TJP1: variants seen among roughly 807,000 people sequenced by gnomAD.
The protein encoded by TJP1 is tight junction protein ZO-1.
In TJP1, 43 loss-of-function variants were observed where a neutral mutation model predicts 194.2. That is an observed-to-expected ratio of 0.22 (90% CI 0.17 to 0.29). The LOEUF (loss-of-function observed/expected upper bound fraction) is 0.29, where lower values mean the gene tolerates loss of function less well. TJP1 is among the 10% of genes least tolerant of loss of function. The pLI is 1.00. For synonymous variants in TJP1, 801 were observed against 779.0 expected (o/e 1.03, Z -0.47); for missense variants, 1,971 against 2,185.7 (o/e 0.90, Z 1.96).
At chr15:29,762,173 C>T (rs2046047826) in intron 6 of TJP1, among the ~76,000 whole-genome samples, 162 bp downstream of exon 6, 1 of 152,144 alleles carries the variant, frequency 6.6e-6, no homozygotes, top group Non-Finnish European at 1.5e-5. Flanking sequence ...GCATTGGTGT[C>T]GACATGTAAT....
intron 1 of TJP1, among the ~76,000 whole-genome samples, chr15:29,810,717 C>A (rs1036091762): frequency 2.0e-5 from 3 of 152,092 alleles, no homozygotes; most frequent in Admixed American, 6.6e-5. Flanking sequence ...GAGTTTTGAC[C>A]TAGTTTCTGG....
intron 2 of TJP1, among the ~76,000 whole-genome samples, chr15:29,879,793 C>A (rs1467363496): frequency 1.3e-5 from 2 of 152,108 alleles, no homozygotes; most frequent in Non-Finnish European, 2.9e-5. Flanking sequence ...CTCACTGTAA[C>A]CTCCACCTCC....
chr15:29,969,044 G>C (rs1041568708), upstream of TJP1, among the ~76,000 whole-genome samples: 46 of 147,250 alleles, frequency 3.1e-4, no homozygotes, highest in African/African-American at 1.1e-3. Flanking sequence ...GCCGTGGCCC[G>C]GCGGCGCGCT....
Position 29,719,782 on chromosome 15 carries a change from T to C in TJP1, c.2998A>G (p.Thr1000Ala), listed in dbSNP as rs2042814935. ...EPSLSSHVDP[T>A]KVYRKDPYPE... is the part of the protein sequence containing the mutation. ...CAACACCGCAGCACAGGTACCTTTG[T>C]TGGATCTACATGCGACGACAATGAT... Residue 1000 changes from threonine to alanine, a missense_variant, in exon 20 of 28, where the codon ACA becomes GCA. Physicochemically the swap from Thr to Ala is moderately conservative, Grantham distance 58. Transcript: ENST00000614355. 3.1e-6 allele frequency: 5 copies of C among 1,612,356 alleles called. No individual in the cohort carries two copies. Among genetic ancestry groups the C allele is most frequent in the East Asian group, 2.2e-5 (1 of 44,876 alleles).
intron 2 of TJP1, among the ~76,000 whole-genome samples, chr15:29,900,014 T>C (rs1317933618): frequency 1.3e-5 from 2 of 152,044 alleles, no homozygotes; most frequent in South Asian, 2.1e-4. Flanking sequence ...ATGTATAGTA[T>C]ATTAAACGGT....
intron 2 of TJP1, among the ~76,000 whole-genome samples, chr15:29,951,511 G>T (rs1233671223): frequency 6.6e-6 from 1 of 150,712 alleles, no homozygotes; most frequent in Non-Finnish European, 1.5e-5. Flanking sequence ...TTTTCAAATC[G>T]AAAAAAAATC....
chr15:29,897,380 T>C (rs766642898), intron 2 of TJP1, among the ~76,000 whole-genome samples: 4 of 152,122 alleles, frequency 2.6e-5, no homozygotes, highest in East Asian at 1.9e-4. Flanking sequence ...AGAGGATATA[T>C]GGAAATGCCT....
intron 23 of TJP1, among the ~76,000 whole-genome samples, chr15:29,711,608 C>T (rs1456057712): frequency 1.3e-4 from 20 of 152,130 alleles, no homozygotes; most frequent in African/African-American, 4.3e-4. Context: ...TCAAGTGAGC[C>T]GCCTGCCTCT....
chr15:29,721,997 T>C (rs1185733814), intron 18 of TJP1, among the ~76,000 whole-genome samples: 1 of 152,246 alleles, frequency 6.6e-6, no homozygotes, highest in Non-Finnish European at 1.5e-5. Context: ...TCTAACAGCA[T>C]GTGTTCATAT....
intron 1 of TJP1, among the ~76,000 whole-genome samples, chr15:29,806,853 G>A (rs1421011289): frequency 3.9e-5 from 6 of 152,194 alleles, no homozygotes; most frequent in South Asian, 2.1e-4. Flanking sequence ...CTGATGGGCC[G>A]TCATTTAAAT....
intron 2 of TJP1, among the ~76,000 whole-genome samples, chr15:29,948,290 A>G (rs2055354657): frequency 6.6e-6 from 1 of 151,978 alleles, no homozygotes; most frequent in Non-Finnish European, 1.5e-5. Context: ...CAATCATTCA[A>G]TCAACCAAAG....
At chr15:29,749,148 G>GTT (rs71103409) in intron 8 of TJP1, among the ~76,000 whole-genome samples, 71 of 141,258 alleles carry the variant, frequency 5.0e-4, no homozygotes, top group African/African-American at 5.4e-4. Context: ...AGTTTCTGTT[G>GTT]TTTTTTTTTT....
intron 1 of TJP1, among the ~76,000 whole-genome samples, chr15:29,966,889 C>A (rs1202263840): frequency 1.3e-5 from 2 of 152,168 alleles, no homozygotes; most frequent in Admixed American, 1.3e-4. Flanking sequence ...CAAATGTTAC[C>A]CCTTCTTCCT....
At position 29,822,437 on chromosome 15, in the gene TJP1, G is replaced by A; in HGVS notation, c.-409C>T. ...GCCGCCAAGGAACGCGGCGTCCGCT[G>A]GCTCAGCCGGCGCCGGCAACTCAGC... On this transcript the variant is annotated 5_prime_UTR_variant, in exon 1 of 28. Coordinates refer to ENST00000614355, the MANE Select transcript of TJP1 (RefSeq NM_001330239.4). The A allele has an allele frequency of 1.0e-6, 1 of 987,918 alleles. No homozygotes were observed. The highest frequency in any genetic ancestry group is 1.2e-6 in the Non-Finnish European group (1 of 831,744). 61.2% of individuals were successfully genotyped at this position (987,918 alleles called of 1,614,324 possible).
upstream of TJP1, among the ~76,000 whole-genome samples, chr15:29,824,693 T>G (rs1191625752): frequency 1.3e-5 from 2 of 152,346 alleles, no homozygotes; most frequent in East Asian, 3.9e-4. Context: ...TAAGAAGATG[T>G]GCAATTGCAT....
At chr15:29,814,160 T>G (rs1386190989) in intron 1 of TJP1, among the ~76,000 whole-genome samples, 4 of 152,196 alleles carry the variant, frequency 2.6e-5, no homozygotes, top group Non-Finnish European at 5.9e-5. Context: ...ACAGAAACTC[T>G]GCTAAACAGC....
intron 25 of TJP1, among the ~76,000 whole-genome samples, chr15:29,707,274 TAC>T (rs1344452677): frequency 6.6e-6 from 1 of 152,138 alleles, no homozygotes; most frequent in Non-Finnish European, 1.5e-5. Flanking sequence ...TTCCTGAAAG[TAC>T]AGTTTTGAGC....
At chr15:29,799,196 T>A (rs1024001759) in intron 2 of TJP1, among the ~76,000 whole-genome samples, 4 of 152,020 alleles carry the variant, frequency 2.6e-5, no homozygotes, top group Non-Finnish European at 4.4e-5. Context: ...ATAAAAAAAA[T>A]ACCAAATCAT....
At chr15:29,841,280 C>A (rs142930634) in intron 2 of TJP1, among the ~76,000 whole-genome samples, 5 of 152,076 alleles carry the variant, frequency 3.3e-5, no homozygotes, top group Non-Finnish European at 5.9e-5. Context: ...GGCTAGGCTA[C>A]GGCCAAAAGC....
Sources: allele counts gnomAD v4.1 joint callset (sites outside exome capture counted in the v4.1 genomes callset), GRCh38; gene constraint gnomAD v4.1.1; transcripts MANE v1.5; gene names NCBI Gene and HGNC (gene_info 2026-07-23, HGNC 2026-07-21).